Variants in BCOR observed in about 807,000 individuals in gnomAD.
BCOR encodes the protein BCL-6 corepressor.
BCOR carries 10 observed loss-of-function variants against 86.7 expected under a neutral mutation model. That is an observed-to-expected ratio of 0.12 (90% CI 0.07 to 0.20). The LOEUF (loss-of-function observed/expected upper bound fraction) is 0.20. Among genes scored for constraint, BCOR ranks in the 10% least tolerant of loss-of-function variants. The pLI is 1.00. For synonymous variants in BCOR, 611 were observed against 609.0 expected (o/e 1.00, Z -0.05); for missense variants, 1,259 against 1,452.1 (o/e 0.87, Z 2.16).
intron 10 of BCOR, among the ~76,000 whole-genome samples, chrX:40,058,863 G>T (rs2146947200): frequency 8.9e-6 from 1 of 111,950 alleles, no homozygotes; most frequent in South Asian, 3.7e-4. Context: ...TGCTCTTTTA[G>T]CAGGCCCTCA....
chrX:40,142,069 G>A (rs1356473539), intron 1 of BCOR, among the ~76,000 whole-genome samples: 1 of 112,334 alleles, frequency 8.9e-6, no homozygotes, highest in Non-Finnish European at 1.9e-5. Context: ...AGTCCTTTGA[G>A]GGCTCATAGT....
intron 1 of BCOR, among the ~76,000 whole-genome samples, chrX:40,136,672 G>A (rs747811096): frequency 1.3e-4 from 14 of 111,971 alleles, no homozygotes; most frequent in African/African-American, 4.2e-4. Flanking sequence ...TTTGGTAGGC[G>A]TATGGTGGGT....
At chrX:40,071,794 T>G (rs1470824639) in intron 4 of BCOR, 104 bp from the exon 5 acceptor site, 2 of 556,333 alleles carry the variant, frequency 3.6e-6, no homozygotes, top group Non-Finnish European at 6.2e-6. Context: ...AATTTGGCTT[T>G]ATTCATCTTT....
chrX:40,108,320 C>T (rs949626456), intron 1 of BCOR, among the ~76,000 whole-genome samples: 1 of 113,197 alleles, frequency 8.8e-6, no homozygotes, highest in Non-Finnish European at 1.9e-5. Flanking sequence ...CCCCGGCGAC[C>T]CCCGCTCTCT....
At chrX:40,113,547 C>G (rs1339378472) in intron 1 of BCOR, among the ~76,000 whole-genome samples, 1 of 111,645 alleles carries the variant, frequency 9.0e-6, no homozygotes, top group Non-Finnish European at 1.9e-5. Flanking sequence ...CACAGGCCTG[C>G]TATCAGCTCC....
At chrX:40,107,963 G>T (rs1937225006) in intron 1 of BCOR, among the ~76,000 whole-genome samples, 1 of 113,469 alleles carries the variant, frequency 8.8e-6, no homozygotes, top group African/African-American at 3.2e-5. Flanking sequence ...TTGATTTAGG[G>T]TGTTTGTGTT....
At chrX:40,083,635 C>G (rs902984922) in intron 1 of BCOR, among the ~76,000 whole-genome samples, 1 of 111,837 alleles carries the variant, frequency 8.9e-6, no homozygotes, top group African/African-American at 3.2e-5. Flanking sequence ...GGAGCGCGAT[C>G]GGTCGGCAAC....
chrX:40,123,599 C>T (rs956605705), intron 1 of BCOR, among the ~76,000 whole-genome samples: 32 of 110,844 alleles, frequency 2.9e-4, no homozygotes, highest in Non-Finnish European at 5.3e-4. Context: ...GTGATCCGCC[C>T]GCCTCGGCCT....
At chrX:40,057,063 G>C in intron 11 of BCOR, 92 bp downstream of exon 11, 1 of 1,032,147 alleles carries the variant, frequency 9.7e-7, no homozygotes, top group South Asian at 2.0e-5. Context: ...CTTTCCTCCT[G>C]GAATTTCCCG....
At chrX:40,135,912 T>TC (rs1428476641) in intron 1 of BCOR, among the ~76,000 whole-genome samples, 2 of 112,404 alleles carry the variant, frequency 1.8e-5, no homozygotes, top group Non-Finnish European at 3.8e-5. Flanking sequence ...TATATAAATG[T>TC]CACAGCTAGA....
chrX:40,173,520 G>A (rs1938675714), intron 1 of BCOR, among the ~76,000 whole-genome samples: 2 of 112,034 alleles, frequency 1.8e-5, no homozygotes, highest in Non-Finnish European at 3.8e-5. Context: ...GGGTGGAAAG[G>A]GCACTATTGT....
At chrX:40,132,276 T>G (rs1391822122) in intron 1 of BCOR, among the ~76,000 whole-genome samples, 2 of 111,622 alleles carry the variant, frequency 1.8e-5, no homozygotes, top group East Asian at 5.6e-4. Flanking sequence ...CCCAGCTGAG[T>G]CCGTTCCAGA....
intron 1 of BCOR, among the ~76,000 whole-genome samples, chrX:40,137,020 A>G (rs1394947064): frequency 8.9e-6 from 1 of 111,912 alleles, no homozygotes. Context: ...ATACCGTATC[A>G]GGGGCTGTCC....
At chrX:40,139,409 A>G (rs1468886745) in intron 1 of BCOR, among the ~76,000 whole-genome samples, 1 of 16,559 alleles carries the variant, frequency 6.0e-5, no homozygotes, top group Non-Finnish European at 8.4e-5. Flanking sequence ...ATATATATAT[A>G]TATATAATAT....
At chrX:40,087,019 GT>G (rs1238260626) in intron 1 of BCOR, among the ~76,000 whole-genome samples, 1 of 113,625 alleles carries the variant, frequency 8.8e-6, no homozygotes, top group Non-Finnish European at 1.9e-5. Flanking sequence ...CTCTCCGAGA[GT>G]TTACTCCTTC....
intron 1 of BCOR, among the ~76,000 whole-genome samples, chrX:40,107,454 C>T (rs757626466): frequency 8.9e-6 from 1 of 112,602 alleles, no homozygotes; most frequent in Non-Finnish European, 1.9e-5. Context: ...ACGCGCAAGC[C>T]GTGGCTCTCC....
chrX:40,078,136 G>A (rs1046563867), intron 1 of BCOR, among the ~76,000 whole-genome samples, 167 bp from the exon 2 acceptor site: 1 of 112,803 alleles, frequency 8.9e-6, no homozygotes, highest in Non-Finnish European at 1.9e-5. Flanking sequence ...CACCTGACTC[G>A]AAGGGACAGC....
At chrX:40,064,171 G>A (rs1935060680) in intron 7 of BCOR, among the ~76,000 whole-genome samples, 165 bp downstream of exon 7, 1 of 111,291 alleles carries the variant, frequency 9.0e-6, no homozygotes, top group Non-Finnish European at 1.9e-5. Context: ...TCACGAGGCA[G>A]TGTGGGAATG....
At chrX:40,117,992 C>CA (rs1357348104) in intron 1 of BCOR, among the ~76,000 whole-genome samples, 2 of 101,302 alleles carry the variant, frequency 2.0e-5, no homozygotes, top group East Asian at 6.3e-4. Flanking sequence ...CCACCCCCCC[C>CA]ACCCCTTTTC....
Sources: gnomAD v4.1 joint callset for allele counts (sites outside exome capture counted in the v4.1 genomes callset) on GRCh38, gnomAD v4.1.1 for gene constraint, MANE v1.5 for transcripts, NCBI Gene and HGNC (gene_info 2026-07-23, HGNC 2026-07-21) for gene names.